The following MDN1 variants were observed in gnomAD, a reference collection of about 807,000 sequenced individuals.
The protein encoded by MDN1 is midasin.
MDN1 carries 266 observed loss-of-function variants against 669.2 expected under a neutral mutation model. The ratio of observed to expected loss-of-function variants is 0.40; its 90% confidence interval spans 0.36 to 0.44. The LOEUF (loss-of-function observed/expected upper bound fraction) is 0.44, where lower values mean the gene tolerates loss of function less well. MDN1 is among the 20% of genes least tolerant of loss of function. The pLI, the probability that MDN1 is intolerant of heterozygous loss-of-function variation, is 1.00. For synonymous variants in MDN1, 2,385 were observed against 2,457.1 expected (o/e 0.97, Z 0.87); for missense variants, 5,940 against 6,754.0 (o/e 0.88, Z 4.22).
At chr6:89,726,508 G>GA (rs1450854606) in intron 37 of MDN1, among the ~76,000 whole-genome samples, 2 of 142,364 alleles carry the variant, frequency 1.4e-5, no homozygotes, top group Admixed American at 6.9e-5. Flanking sequence ...AAAAGAAAAA[G>GA]AAAAAGACAT....
At chr6:89,767,369 G>A (rs1358193985) in intron 15 of MDN1, among the ~76,000 whole-genome samples, 2 of 152,142 alleles carry the variant, frequency 1.3e-5, no homozygotes, top group African/African-American at 4.8e-5. Flanking sequence ...CTAACAAAGA[G>A]CAAAAGACAA....
Position 89,715,552 on chromosome 6 carries a change from T to C in MDN1, c.6860+101A>G. 8.0e-6 allele frequency: 6 copies of C among 751,848 alleles called. No individual in the cohort carries two copies. In the South Asian group the frequency reaches 9.5e-5, roughly 12 times the overall value. The allele number at this position is 751,848 out of a possible 1,614,324, so 46.6% of individuals were successfully genotyped here. On this transcript the variant is annotated intron_variant, in intron 45 of 101. Coordinates refer to ENST00000369393, the MANE Select transcript of MDN1 (RefSeq NM_014611.3). ...AATAAATGGGTGAACTTCTCCATGA[T>C]TCAGTTTATAAATAAAATATATAAG... is the stretch of plus-strand genomic sequence containing the variant.
chr6:89,712,508 T>C (rs766458836), intron 48 of MDN1, 67 bp downstream of exon 48: 9 of 1,478,840 alleles, frequency 6.1e-6, no homozygotes, highest in Non-Finnish European at 8.5e-6. Context: ...TATTGTGTCC[T>C]GACCATTTCC....
rs1562091367 is a variant in MDN1, at chr6:89,688,149, G to A, written c.11284C>T (p.Arg3762Cys). Residue 3762 changes from arginine (R) to cysteine (C), a missense_variant, in exon 67 of 102, where the codon CGT (arginine) becomes TGT (cysteine). This residue lies in a region of MDN1 where 2,280 missense variants were observed against 2,576.3 expected (regional missense o/e 0.88). Coordinates refer to ENST00000369393, the MANE Select transcript of MDN1 (RefSeq NM_014611.3). The part of the protein sequence containing the change: ...EQLLVVMDRI[R>C]SFPLSSPISK... Reference sequence around the variant, plus strand: ...ATGGGACTGGAAAGTGGGAAACTACGAATTCTGTCCATTACAACCAGGAGC... The same window carrying A: ...ATGGGACTGGAAAGTGGGAAACTACAAATTCTGTCCATTACAACCAGGAGC... The A allele has an allele frequency of 1.2e-6, 2 of 1,613,878 alleles. No individual in the cohort carries two copies. The highest frequency in any genetic ancestry group is 1.7e-6 in the Non-Finnish European group (2 of 1,179,944).
chr6:89,738,182 T>C (rs1450915930), intron 33 of MDN1, 144 bp downstream of exon 33: 2 of 875,444 alleles, frequency 2.3e-6, no homozygotes, highest in Non-Finnish European at 3.4e-6. Flanking sequence ...ATTCTCCTTG[T>C]CTACTTTGTT....
chr6:89,678,098 C>G (rs1474847823), intron 75 of MDN1, among the ~76,000 whole-genome samples: 1 of 152,166 alleles, frequency 6.6e-6, no homozygotes, highest in East Asian at 1.9e-4. Flanking sequence ...ACGGTGAAAC[C>G]CTGTCTCTAG....
In MDN1 at chr6:89,749,543, C is replaced by G; in HGVS notation, c.3615G>C (p.Lys1205Asn). 6.2e-7 allele frequency: 1 copy of G among 1,614,052 alleles called. No homozygotes were observed. Among genetic ancestry groups the G allele is most frequent in the Non-Finnish European group, 8.5e-7 (1 of 1,179,908 alleles). Residue 1205 changes from lysine (K) to asparagine (N), a missense_variant and splice_region_variant, in exon 25 of 102, where the codon AAG becomes AAC. Transcript: ENST00000369393. ...AAGGAAGGAGACAAATGCTACATACCTTTCTGCCTCCATAAAGTCCTGGGG... is the reference window on the plus strand; with the variant it reads ...AAGGAAGGAGACAAATGCTACATACGTTTCTGCCTCCATAAAGTCCTGGGG... ...QNPPGLYGGR[K>N]VLSRAFRNRF...
At chr6:89,663,928 C>T (rs113083109) in intron 85 of MDN1, among the ~76,000 whole-genome samples, 97 of 131,722 alleles carry the variant, frequency 7.4e-4, no homozygotes, top group African/African-American at 2.3e-3. Context: ...GGGGACAGAG[C>T]GAGACTCCGT....
At chr6:89,678,125 A>G (rs1811350769) in intron 75 of MDN1, among the ~76,000 whole-genome samples, 1 of 152,102 alleles carries the variant, frequency 6.6e-6, no homozygotes, top group Admixed American at 6.5e-5. Flanking sequence ...TACAAAAATC[A>G]GCCGGGTGTG....
chr6:89,812,835 C>A (rs372669761), intron 1 of MDN1, among the ~76,000 whole-genome samples: 6 of 152,212 alleles, frequency 3.9e-5, no homozygotes, highest in African/African-American at 1.2e-4. Flanking sequence ...GCGGTGGCTC[C>A]TACCTGCAAT....
Position 89,690,713 on chromosome 6 carries a change from T to C in MDN1, c.10709A>G (p.Glu3570Gly). 4 of 1,614,150 alleles carry C rather than the reference T, an allele frequency of 2.5e-6. No homozygotes were observed. Among genetic ancestry groups the C allele is most frequent in the Non-Finnish European group, 3.4e-6 (4 of 1,180,024 alleles). Residue 3570 changes from glutamate to glycine, a missense_variant, in exon 64 of 102, where the codon GAA (glutamate) becomes GGA (glycine). By Grantham distance (98) the Glu-to-Gly change is moderately conservative. Transcript: ENST00000369393. ...SRTALSEEEEEEREFRKQFPL... is the reference protein window; with the variant it reads ...SRTALSEEEEGEREFRKQFPL... ...GAACTGTTTTCTGAACTCCCGTTCT[T>C]CCTCCTCCTCTTCACTCAGGGCTGT...
intron 8 of MDN1, 27 bp from the exon 9 acceptor site, chr6:89,785,153 C>T: frequency 6.4e-7 from 1 of 1,557,036 alleles, no homozygotes; most frequent in Non-Finnish European, 8.9e-7. Flanking sequence ...AAAACACAGT[C>T]ACACAAAATT....
intron 13 of MDN1, among the ~76,000 whole-genome samples, chr6:89,773,970 GA>G (rs1302813116): frequency 9.3e-4 from 90 of 96,696 alleles, no homozygotes; most frequent in Admixed American, 1.2e-3. Context: ...GTCTTAAAAA[GA>G]AAAAAAAAAA....
At chr6:89,737,150 CA>C (rs1184110678) in intron 33 of MDN1, among the ~76,000 whole-genome samples, 2 of 152,104 alleles carry the variant, frequency 1.3e-5, no homozygotes, top group African/African-American at 2.4e-5. Context: ...GAATTCTGGC[CA>C]TTCAAGCAGC....
intron 56 of MDN1, 76 bp from the exon 57 acceptor site, chr6:89,700,370 T>G (rs765149544): frequency 3.4e-6 from 4 of 1,160,428 alleles, no homozygotes; most frequent in Non-Finnish European, 5.1e-6. Context: ...CAACCTGCTA[T>G]GTGACTGCAA....
In MDN1 at chr6:89,754,164, G is replaced by C; in HGVS notation, c.2883C>G (p.His961Gln). 6.2e-7 allele frequency: 1 copy of C among 1,614,166 alleles called. No homozygotes were observed. The change falls in exon 21 of 102, where the codon CAC (histidine) becomes CAG (glutamine). Residue 961 changes from histidine (H) to glutamine (Q), a missense_variant. Physicochemically the swap from His to Gln is conservative, Grantham distance 24 (BLOSUM62 0). Coordinates refer to ENST00000369393, the MANE Select transcript of MDN1 (RefSeq NM_014611.3). ...KLVDGTGHRP[H>Q]YSLRTLCRAL... is the part of the protein sequence containing the mutation. Reference sequence around the variant, plus strand: ...CCCGGCACAGAGTCCGAAGGCTGTAGTGAGGTCTATGGCCAGTGCCATCCA... The same window carrying C: ...CCCGGCACAGAGTCCGAAGGCTGTACTGAGGTCTATGGCCAGTGCCATCCA...
At position 89,772,489 on chromosome 6, in the gene MDN1, C is replaced by T; in HGVS notation, c.2083+84G>A. 4.7e-6 allele frequency: 7 copies of T among 1,500,982 alleles called. No individual in the cohort carries two copies. In the South Asian group the frequency reaches 9.0e-5, roughly 19 times the overall value. The allele number at this position is 1,500,982 out of a possible 1,614,324, so 93.0% of individuals were successfully genotyped here. On this transcript the variant is annotated intron_variant, in intron 14 of 101. Transcript: ENST00000369393. Reference sequence around the variant, plus strand: ...GCTGGCACTCTTTAAACTCTGTGGTCTTTGGATTTAGTATTTTTAAAAAAG... The same window carrying T: ...GCTGGCACTCTTTAAACTCTGTGGTTTTTGGATTTAGTATTTTTAAAAAAG...
chr6:89,670,810 CCTG>C lies in MDN1; in HGVS notation c.13956+106_13956+108del. 3.3e-6 allele frequency: 4 copies of C among 1,222,454 alleles called. No individual in the cohort carries two copies. In the African/African-American group the frequency reaches 4.5e-5, roughly 14 times the overall value. The allele number at this position is 1,222,454 out of a possible 1,614,324, so 75.7% of individuals were successfully genotyped here. On this transcript the variant is annotated intron_variant, in intron 83 of 101. Coordinates refer to ENST00000369393, the MANE Select transcript of MDN1 (RefSeq NM_014611.3). ...AATCCACAGGGAGAGCAAATCACAT[CCTG>C]CTATTTGTGGTGGTCCAAAATAAAA...
Position 89,750,418 on chromosome 6 carries a change from C to T in MDN1, c.3342G>A (p.Thr1114=), listed in dbSNP as rs769525077. The T allele has an allele frequency of 1.1e-5, 18 of 1,613,834 alleles. No homozygotes were observed. Among genetic ancestry groups the T allele is most frequent in the East Asian group, 4.5e-5 (2 of 44,888 alleles). ...HCVRINNHEH[T]DIQEYIGCYT... The stretch of plus-strand genomic sequence containing the variant: ...AACAACCAATGTACTCCTGAATATC[C>T]GTGTGTTCGTGATTATTAATACGCA... The change falls in exon 24 of 102, where the codon ACG becomes ACA. Residue 1114 remains threonine (T), a synonymous_variant. Transcript: ENST00000369393.
Sources: allele counts gnomAD v4.1 joint callset (sites outside exome capture counted in the v4.1 genomes callset), GRCh38; gene constraint gnomAD v4.1.1; regional missense constraint gnomAD v4.1.1; transcripts MANE v1.5; gene names NCBI Gene and HGNC (gene_info 2026-07-23, HGNC 2026-07-21).